Variants in LRRIQ4 observed in about 807,000 individuals in gnomAD.
LRRIQ4 encodes the protein leucine rich repeats and IQ motif containing 4.
A neutral mutation model predicts 40.1 loss-of-function variants in LRRIQ4; 21 were observed. The ratio of observed to expected loss-of-function variants is 0.52; its 90% CI spans 0.37 to 0.75. The LOEUF is 0.75. Among genes scored for constraint, LRRIQ4 ranks in the 30% least tolerant of loss-of-function variants. LRRIQ4 has a pLI of 0.00. For missense variants in LRRIQ4, 655 were observed against 660.0 expected (o/e 0.99, Z 0.08); for synonymous variants, 277 against 277.1 (o/e 1.00, Z 0.00).
At chr3:169,834,075 T>C (rs1780249654) in intron 5 of LRRIQ4, among the ~76,000 whole-genome samples, 1 of 152,178 alleles carries the variant, frequency 6.6e-6, no homozygotes, top group African/African-American at 2.4e-5. Context: ...CAAATATATA[T>C]TTCAGGCCTG....
chr3:169,831,440 ATTTTTTTTTTTTTTTTTTT>A (rs750864248), intron 4 of LRRIQ4, among the ~76,000 whole-genome samples: 32 of 29,432 alleles, frequency 1.1e-3, no homozygotes, highest in African/African-American at 2.8e-3. Flanking sequence ...CGCCCGGCTA[ATTTTTTTTTTTTTTTTTTT>A]TTTTTTTTTT....
At chr3:169,820,001 G>T (rs1049199986) in intron 1 of LRRIQ4, among the ~76,000 whole-genome samples, 1 of 152,154 alleles carries the variant, frequency 6.6e-6, no homozygotes, top group Non-Finnish European at 1.5e-5. Context: ...CATTGTCTCA[G>T]AGCTGGTTTT....
intron 1 of LRRIQ4, among the ~76,000 whole-genome samples, chr3:169,814,625 A>T (rs1779724661): frequency 6.6e-6 from 1 of 152,128 alleles, no homozygotes. Context: ...AGCCGGGATT[A>T]CAGGCGCCCC....
chr3:169,836,649 G>T (rs1016839758), intron 5 of LRRIQ4, among the ~76,000 whole-genome samples: 1 of 152,160 alleles, frequency 6.6e-6, no homozygotes, highest in African/African-American at 2.4e-5. Flanking sequence ...CTGGGGATTA[G>T]GACTTCAGCA....
At chr3:169,824,724 G>C (rs1780002761) in intron 2 of LRRIQ4, among the ~76,000 whole-genome samples, 1 of 152,010 alleles carries the variant, frequency 6.6e-6, no homozygotes, top group Admixed American at 6.5e-5. Flanking sequence ...TGTTGGCCAG[G>C]CTGGTCTCAA....
At chr3:169,836,532 G>A (rs1780306330) in intron 5 of LRRIQ4, among the ~76,000 whole-genome samples, 1 of 152,066 alleles carries the variant, frequency 6.6e-6, no homozygotes, top group African/African-American at 2.4e-5. Context: ...CTAACTCTCT[G>A]ATATCTCTCC....
chr3:169,815,349 C>T (rs982592128), intron 1 of LRRIQ4, among the ~76,000 whole-genome samples: 2 of 151,956 alleles, frequency 1.3e-5, no homozygotes, highest in African/African-American at 4.8e-5. Flanking sequence ...TTGTAGAGAT[C>T]TTTTACTTCT....
At chr3:169,832,631 C>CAAAAAA (rs3047516) in intron 4 of LRRIQ4, among the ~76,000 whole-genome samples, 5 of 67,344 alleles carry the variant, frequency 7.4e-5, no homozygotes, top group African/African-American at 1.2e-4. Flanking sequence ...GACTCTGTCT[C>CAAAAAA]AAAAAAAAAA....
intron 2 of LRRIQ4, among the ~76,000 whole-genome samples, chr3:169,823,957 A>ATGGATAGATCTCAGTAT (rs1779979616): frequency 6.6e-6 from 1 of 152,186 alleles, no homozygotes; most frequent in East Asian, 1.9e-4. Flanking sequence ...TATTGCCAAT[A>ATGGATAGATCTCAGTAT]TGGATAGATC....
At chr3:169,830,427 G>A in intron 3 of LRRIQ4, 65 bp from the exon 4 acceptor site, 1 of 555,340 alleles carries the variant, frequency 1.8e-6, no homozygotes, top group Non-Finnish European at 2.6e-6. Context: ...GCACCCACAG[G>A]TGATTCTGGT....
At chr3:169,820,622 C>T in intron 1 of LRRIQ4, among the ~76,000 whole-genome samples, 1 of 151,182 alleles carries the variant, frequency 6.6e-6, no homozygotes, top group African/African-American at 2.4e-5. Flanking sequence ...CTGCAAGCTC[C>T]GCCCCCCGGG....
intron 2 of LRRIQ4, among the ~76,000 whole-genome samples, chr3:169,825,915 C>T (rs1175206506): frequency 6.6e-6 from 1 of 152,196 alleles, no homozygotes; most frequent in African/African-American, 2.4e-5. Context: ...ATGCATTTCT[C>T]TCCTCAATGA....
At chr3:169,817,748 C>A (rs868497629) in intron 1 of LRRIQ4, among the ~76,000 whole-genome samples, 3 of 152,082 alleles carry the variant, frequency 2.0e-5, no homozygotes, top group Non-Finnish European at 4.4e-5. Context: ...TGTATAGCTA[C>A]TCCTGCTCTT....
intron 4 of LRRIQ4, among the ~76,000 whole-genome samples, chr3:169,831,961 G>T (rs1247728153): frequency 6.7e-6 from 1 of 148,860 alleles, no homozygotes; most frequent in Non-Finnish European, 1.5e-5. Context: ...GCAAGACTCC[G>T]TTTTAATAAA....
chr3:169,822,493 A>G lies in LRRIQ4; in HGVS notation c.572A>G (p.Glu191Gly). 3 of 1,614,022 alleles carry G rather than the reference A, an allele frequency of 1.9e-6. No homozygotes were observed. The highest frequency in any genetic ancestry group is 2.5e-6 in the Non-Finnish European group (3 of 1,179,894). The change falls in exon 2 of 6, where the codon GAA becomes GGA. Residue 191 changes from glutamate (E) to glycine (G), a missense_variant. Glu to Gly is a moderately conservative substitution (Grantham distance 98). Coordinates refer to ENST00000340806, the MANE Select transcript of LRRIQ4 (RefSeq NM_001080460.3). The part of the protein sequence containing the change: ...PQELCVLYTL[E>G]IIDLDENKIG... ...GAGCTCTGTGTTCTCTACACCCTGG[A>G]AATCATTGACCTGGACGAGAACAAA...
At chr3:169,819,299 G>A (rs1485958552) in intron 1 of LRRIQ4, among the ~76,000 whole-genome samples, 1 of 152,044 alleles carries the variant, frequency 6.6e-6, no homozygotes, top group African/African-American at 2.4e-5. Context: ...TATATATATA[G>A]CTTTCAGAGG....
intron 1 of LRRIQ4, among the ~76,000 whole-genome samples, chr3:169,813,823 TG>T (rs1279651056): frequency 2.0e-5 from 3 of 152,226 alleles, no homozygotes; most frequent in Non-Finnish European, 4.4e-5. Flanking sequence ...GCCAAGAACC[TG>T]GACACCTTCT....
intron 1 of LRRIQ4, among the ~76,000 whole-genome samples, chr3:169,815,722 T>A (rs1233411483): frequency 6.6e-6 from 1 of 152,208 alleles, no homozygotes; most frequent in Non-Finnish European, 1.5e-5. Context: ...GTTCCAGATC[T>A]TAGAGAAAAG....
At chr3:169,813,202 C>CTTTA (rs1779670769) in intron 1 of LRRIQ4, among the ~76,000 whole-genome samples, 156 bp downstream of exon 1, 1 of 152,216 alleles carries the variant, frequency 6.6e-6, no homozygotes. Flanking sequence ...GGGAGGAAGG[C>CTTTA]TTTAATCTGG....
Sources: allele counts gnomAD v4.1 joint callset (sites outside exome capture counted in the v4.1 genomes callset), GRCh38; gene constraint gnomAD v4.1.1; transcripts MANE v1.5; gene names NCBI Gene and HGNC (gene_info 2026-07-23, HGNC 2026-07-21).